GPATCH2: variants seen among roughly 807,000 people sequenced by gnomAD.
The protein encoded by GPATCH2 is G-patch domain containing 2, also known as G patch domain-containing protein 2.
A neutral mutation model predicts 58.0 loss-of-function variants in GPATCH2; 51 were observed. The ratio of observed to expected loss-of-function variants is 0.88; its 90% CI spans 0.70 to 1.11. GPATCH2 has a LOEUF of 1.11. Among genes scored for constraint, GPATCH2 ranks in the 50% most tolerant of loss-of-function variants. The pLI is 0.00. For missense variants in GPATCH2, 625 were observed against 652.2 expected, an observed-to-expected ratio of 0.96 and a Z score of 0.45; for synonymous variants, 222 against 218.5, an observed-to-expected ratio of 1.02 and a Z score of -0.14.
At chr1:217,491,057 TAAG>T (rs1661704091) in intron 8 of GPATCH2, among the ~76,000 whole-genome samples, 1 of 152,184 alleles carries the variant, frequency 6.6e-6, no homozygotes, top group African/African-American at 2.4e-5. Context: ...TATCTGTTCT[TAAG>T]AATAAAATAA....
At chr1:217,618,900 T>C (rs1289195944) in intron 2 of GPATCH2, among the ~76,000 whole-genome samples, 2 of 151,542 alleles carry the variant, frequency 1.3e-5, no homozygotes, top group African/African-American at 4.9e-5. Context: ...GAAGTGGAGG[T>C]TGCAATGAGC....
chr1:217,543,924 CG>C (rs966391583), intron 5 of GPATCH2, among the ~76,000 whole-genome samples: 41 of 152,196 alleles, frequency 2.7e-4, no homozygotes, highest in African/African-American at 9.9e-4. Context: ...TTCTCAGGCT[CG>C]CTTGGCTAAC....
intron 6 of GPATCH2, 78 bp from the exon 7 acceptor site, chr1:217,498,473 T>C: frequency 9.6e-7 from 1 of 1,040,176 alleles, no homozygotes; most frequent in Non-Finnish European, 1.5e-6. Flanking sequence ...CCGCATGTGC[T>C]TTAAGAAATT....
chr1:217,550,618 T>C lies in GPATCH2; in HGVS notation c.1099-35729A>G, dbSNP rs867384450. On this transcript the variant is annotated intron_variant, in intron 5 of 9. Coordinates refer to ENST00000366935, the MANE Select transcript of GPATCH2 (RefSeq NM_018040.5). ...AAAAAAAAGACATAGCTAATATCTA[T>C]TGACAAAATAAAAAATGTTTAATAA... Among the ~76,000 whole-genome samples, 13 of 152,006 alleles carry C rather than the reference T, an allele frequency of 8.6e-5. No individual in the cohort carries two copies. The South Asian group carries it at 1.0e-3, about 12-fold the overall frequency.
intron 5 of GPATCH2, among the ~76,000 whole-genome samples, chr1:217,597,185 T>C (rs1357012982): frequency 2.0e-5 from 3 of 151,204 alleles, no homozygotes; most frequent in Admixed American, 2.0e-4. Flanking sequence ...AATTAAAGAT[T>C]AGCTGGGCAT....
chr1:217,515,785 A>T (rs1344112392), intron 5 of GPATCH2, among the ~76,000 whole-genome samples: 3 of 133,354 alleles, frequency 2.2e-5, no homozygotes, highest in Non-Finnish European at 3.2e-5. Context: ...AAAAAAGACC[A>T]GTGACTTATT....
At chr1:217,571,541 C>T (rs1273914884) in intron 5 of GPATCH2, among the ~76,000 whole-genome samples, 2 of 150,364 alleles carry the variant, frequency 1.3e-5, no homozygotes, top group Non-Finnish European at 3.0e-5. Context: ...TAAAGGTGAG[C>T]GATTAAAAAG....
intron 8 of GPATCH2, among the ~76,000 whole-genome samples, chr1:217,454,514 G>A (rs1028919409): frequency 1.4e-5 from 2 of 147,838 alleles, no homozygotes; most frequent in East Asian, 2.0e-4. Flanking sequence ...GCGTGAACCC[G>A]GAAGGCAGAG....
At chr1:217,527,438 T>C (rs1211816483) in intron 5 of GPATCH2, among the ~76,000 whole-genome samples, 1 of 152,054 alleles carries the variant, frequency 6.6e-6, no homozygotes, top group Admixed American at 6.5e-5. Context: ...TGTGCCCTTC[T>C]TTGTACTTCA....
chr1:217,557,330 C>T (rs1313650726), intron 5 of GPATCH2, among the ~76,000 whole-genome samples: 6 of 150,966 alleles, frequency 4.0e-5, no homozygotes. Context: ...CTGCTTAAAC[C>T]CAGGAGGTGG....
intron 5 of GPATCH2, among the ~76,000 whole-genome samples, chr1:217,578,631 T>C (rs1447327197): frequency 1.3e-5 from 2 of 152,204 alleles, no homozygotes; most frequent in Admixed American, 6.5e-5. Context: ...TCAAAGTTTT[T>C]ACCCATTTAC....
chr1:217,567,045 G>GTTTTTTTTTTTTTTTTTTTTTT lies in GPATCH2; in HGVS notation c.1098+43275_1098+43276insAAAAAAAAAAAAAAAAAAAAAA, dbSNP rs549350813. ...CATCACTCAGCAAATATAACTTCTG[G>GTTTTTTTTTTTTTTTTTTTTTT]CTTTTTTTTTTTTTTTTTGAGACGG... On this transcript the variant is annotated intron_variant, in intron 5 of 9. Coordinates refer to ENST00000366935, the MANE Select transcript of GPATCH2 (RefSeq NM_018040.5). 1.4e-5 allele frequency among the ~76,000 whole-genome samples: 2 copies of GTTTTTTTTTTTTTTTTTTTTTT among 140,762 alleles called. 1 individual carries two copies. Among genetic ancestry groups the GTTTTTTTTTTTTTTTTTTTTTT allele is most frequent in the Non-Finnish European group, 3.1e-5 (2 of 65,432 alleles). 92.3% of individuals were successfully genotyped at this position (140,762 alleles called of 152,430 possible). A position where few individuals can be genotyped will look rare whatever the true frequency, so the allele number is the denominator to read the frequency against.
chr1:217,570,736 C>T (rs554666692), intron 5 of GPATCH2, among the ~76,000 whole-genome samples: 8 of 152,278 alleles, frequency 5.3e-5, no homozygotes, highest in African/African-American at 1.2e-4. Flanking sequence ...CGATTAATCA[C>T]TGAGAGCTGG....
chr1:217,507,782 C>A (rs1255852934), intron 6 of GPATCH2, among the ~76,000 whole-genome samples: 2 of 152,044 alleles, frequency 1.3e-5, no homozygotes, highest in East Asian at 3.9e-4. Context: ...AGCATGTTAA[C>A]CAACAATTAA....
chr1:217,469,688 A>G (rs986527869), intron 8 of GPATCH2, among the ~76,000 whole-genome samples: 9 of 152,138 alleles, frequency 5.9e-5, no homozygotes, highest in Non-Finnish European at 1.2e-4. Flanking sequence ...TTATACTTAT[A>G]TATGCATTAA....
intron 9 of GPATCH2, among the ~76,000 whole-genome samples, chr1:217,441,050 C>T (rs746667243): frequency 8.5e-5 from 13 of 152,174 alleles, no homozygotes; most frequent in Non-Finnish European, 1.8e-4. Flanking sequence ...ATATCCAAGA[C>T]AATCCTAAGC....
intron 5 of GPATCH2, chr1:217,610,025 GC>G: frequency 7.0e-7 from 1 of 1,428,330 alleles, no homozygotes; most frequent in Non-Finnish European, 9.1e-7. Context: ...AGCAAAAACA[GC>G]CCCATCTTTT....
chr1:217,565,881 C>A (rs1666203431), intron 5 of GPATCH2, among the ~76,000 whole-genome samples: 1 of 152,046 alleles, frequency 6.6e-6, no homozygotes, highest in Non-Finnish European at 1.5e-5. Flanking sequence ...GCGGGTGGGT[C>A]ACCTGAGGTT....
At chr1:217,597,071 G>A (rs531166830) in intron 5 of GPATCH2, among the ~76,000 whole-genome samples, 22 of 151,912 alleles carry the variant, frequency 1.4e-4, no homozygotes, top group Admixed American at 2.6e-4. Context: ...GCTCATACCC[G>A]TAATCCCAGC....
Sources: allele counts gnomAD v4.1 joint callset (sites outside exome capture counted in the v4.1 genomes callset), GRCh38; gene constraint gnomAD v4.1.1; transcripts MANE v1.5; gene names NCBI Gene and HGNC (gene_info 2026-07-23, HGNC 2026-07-21).